Variants in ATP13A1 observed in about 807,000 individuals in gnomAD.
ATP13A1 encodes the protein ATPase 13A1.
In ATP13A1, 55 loss-of-function variants were observed where a neutral mutation model predicts 134.8. The observed-to-expected ratio is 0.41, with a 90% CI of 0.33 to 0.51. The LOEUF (loss-of-function observed/expected upper bound fraction) is 0.51. ATP13A1 is among the 20% of genes least tolerant of loss of function. The pLI, the probability that ATP13A1 is intolerant of heterozygous loss-of-function variation, is 0.29. For synonymous variants in ATP13A1, 775 were observed against 725.1 expected, an observed-to-expected ratio of 1.07 and a Z score of -1.10; for missense variants, 1,389 against 1,652.8, an observed-to-expected ratio of 0.84 and a Z score of 2.77.
chr19:19,654,181 C>G, intron 13 of ATP13A1, 37 bp from the exon 14 acceptor site: 1 of 1,548,224 alleles, frequency 6.5e-7, no homozygotes, highest in Non-Finnish European at 8.7e-7. Flanking sequence ...AGGGGCTTTG[C>G]TCCAAAGAGG....
intron 17 of ATP13A1, chr19:19,650,145 C>T: frequency 6.7e-6 from 4 of 599,964 alleles, no homozygotes; most frequent in Non-Finnish European, 8.8e-6. Flanking sequence ...GAGCCTGGGG[C>T]CTGAGCTACT....
chr19:19,650,259 A>G (rs1299347355), intron 17 of ATP13A1: 4 of 462,256 alleles, frequency 8.7e-6, no homozygotes, highest in South Asian at 8.3e-5. Context: ...AAACACACAG[A>G]AGGGGGCTAT....
rs149003043 is a variant in ATP13A1 at position 19,647,677 on chromosome 19, A to G, written c.2715T>C (p.Ser905=). 6.2e-7 allele frequency: 1 copy of G among 1,612,546 alleles called. No individual in the cohort carries two copies. The stretch of plus-strand genomic sequence containing the variant: ...CTGTCCTGGAGGTGGCTCTGATGCC[A>G]CTGTTGCTCAGGGTTGGGCTGTCCC... ...RPRDSPTLSN[S]GIRATSRTAK... is the part of the protein sequence containing the mutation. The change falls in exon 20 of 26, where the codon AGT becomes AGC. Residue 905 remains serine, a synonymous_variant. Coordinates refer to ENST00000357324, the MANE Select transcript of ATP13A1 (RefSeq NM_020410.3). This position sits in a 1 kb window ranked among gnomAD's most constrained non-coding sequence, Gnocchi z 4.8.
rs960590593 is a variant in ATP13A1 at position 19,646,092 on chromosome 19, G to A, written c.3249-107C>T. The A allele has an allele frequency of 1.4e-4, 221 of 1,590,764 alleles. No individual in the cohort carries two copies. In the African/African-American group the frequency reaches 2.3e-3, roughly 16 times the overall value. On this transcript the variant is annotated intron_variant, in intron 23 of 25. Coordinates refer to ENST00000357324, the MANE Select transcript of ATP13A1 (RefSeq NM_020410.3). ...GAGCTAGGGCTCTGCCTGGCCTAGT[G>A]CCCCTCCCTGGACACCCTGGACAAC...
At chr19:19,659,844 G>T (rs374761459) in intron 2 of ATP13A1, 53 bp from the exon 3 acceptor site, 1 of 1,597,042 alleles carries the variant, frequency 6.3e-7, no homozygotes, top group Non-Finnish European at 8.5e-7. Flanking sequence ...GGGTGTCAGC[G>T]CCTGGGAATC....
chr19:19,645,973 G>T lies in ATP13A1; in HGVS notation c.3261C>A (p.Phe1087Leu). Residue 1087 changes from phenylalanine to leucine, a missense_variant, in exon 24 of 26, where the codon TTC becomes TTA. This residue lies in a region of ATP13A1 where 228 missense variants were observed against 321.0 expected (regional missense o/e 0.71). Transcript: ENST00000357324. The surrounding 1 kb of genome is among the most constrained non-coding windows in gnomAD (Gnocchi z 4.1). ...GCTCAAACTCCTTGTACAAGTCCACGAACTGCTCCTGCCTGCAAGGACACA... is the reference window on the plus strand; with the variant it reads ...GCTCAAACTCCTTGTACAAGTCCACTAACTGCTCCTGCCTGCAAGGACACA... ...QARSPEKQEQFVDLYKEFEPS... is the reference protein window; with the variant it reads ...QARSPEKQEQLVDLYKEFEPS... 2 of 1,612,170 alleles carry T rather than the reference G, an allele frequency of 1.2e-6. No individual in the cohort carries two copies. Among genetic ancestry groups the T allele is most frequent in the East Asian group, 2.2e-5 (1 of 44,874 alleles).
Position 19,663,480 on chromosome 19 carries a change from G to C in ATP13A1, c.187C>G (p.Arg63Gly). The change falls in exon 1 of 26, where the codon CGG becomes GGG. Residue 63 changes from arginine to glycine, a missense_variant. Physicochemically the swap from Arg to Gly is moderately radical, Grantham distance 125 (BLOSUM62 -2). This residue lies in a region of ATP13A1 where 293 missense variants were observed against 270.8 expected (regional missense o/e 1.08). Coordinates refer to ENST00000357324, the MANE Select transcript of ATP13A1 (RefSeq NM_020410.3). Reference sequence around the variant, plus strand: ...GCGAATGGCAGCACCGTGAGGCGCCGCAACAGCGCCAACCGCCGGTACGGC... The same window carrying C: ...GCGAATGGCAGCACCGTGAGGCGCCCCAACAGCGCCAACCGCCGGTACGGC... Reference protein sequence around the residue: ...VWPYRRLALLRRLTVLPFAGL... With the variant: ...VWPYRRLALLGRLTVLPFAGL... 1 of 1,536,596 alleles carries C rather than the reference G, an allele frequency of 6.5e-7. No individual in the cohort carries two copies. Among genetic ancestry groups the C allele is most frequent in the Non-Finnish European group, 8.7e-7 (1 of 1,145,732 alleles).
chr19:19,658,295 C>T (rs1475846218), intron 3 of ATP13A1, among the ~76,000 whole-genome samples: 1 of 151,988 alleles, frequency 6.6e-6, no homozygotes, highest in Non-Finnish European at 1.5e-5. Context: ...CCTTTAACTG[C>T]ATGGACGTCT....
intron 3 of ATP13A1, 78 bp downstream of exon 3, chr19:19,659,523 C>T: frequency 8.5e-7 from 1 of 1,179,642 alleles, no homozygotes; most frequent in Non-Finnish European, 1.2e-6. Flanking sequence ...ATGCCTCTGT[C>T]CCGCTTCCTA....
rs770299883 is a variant in ATP13A1 at position 19,647,294 on chromosome 19, C to T, written c.2940G>A (p.Thr980=). 17 of 1,612,212 alleles carry T rather than the reference C, an allele frequency of 1.1e-5. No homozygotes were observed. The Middle Eastern group carries it at 4.9e-4, about 47-fold the overall frequency. ...TGAACATCTGTAGCGTGGTCACCAG[C>T]GTGCAGCGGCCCTGCTTGATCACGT... ...ICHVIKQGRC[T]LVTTLQMFKI... The change falls in exon 22 of 26, where the codon ACG becomes ACA. Residue 980 remains threonine, a synonymous_variant. Coordinates refer to ENST00000357324, the MANE Select transcript of ATP13A1 (RefSeq NM_020410.3). The surrounding 1 kb of genome is among the most constrained non-coding windows in gnomAD (Gnocchi z 4.8).
chr19:19,650,199 C>CT (rs1422695816), intron 17 of ATP13A1: 1 of 570,628 alleles, frequency 1.8e-6, no homozygotes, highest in African/African-American at 1.9e-5. Context: ...CCTGGGCAGT[C>CT]TGACCCCAGC....
intron 1 of ATP13A1, 95 bp from the exon 2 acceptor site, chr19:19,660,082 T>C (rs1413133919): frequency 6.7e-6 from 7 of 1,042,618 alleles, no homozygotes; most frequent in Non-Finnish European, 9.7e-6. Flanking sequence ...GCTCTATGGG[T>C]ATATTCTGAA....
intron 19 of ATP13A1, 105 bp downstream of exon 19, chr19:19,649,462 A>G: frequency 1.7e-6 from 2 of 1,187,194 alleles, no homozygotes. Context: ...CACAGGAATT[A>G]GTGCCCCCGT....
intron 3 of ATP13A1, among the ~76,000 whole-genome samples, chr19:19,658,609 G>A (rs998288336): frequency 4.3e-4 from 65 of 152,212 alleles, no homozygotes; most frequent in Non-Finnish European, 1.3e-4. Flanking sequence ...GAGGACCATC[G>A]TAACAAGGCC....
rs1475546286 is a variant in ATP13A1, at chr19:19,647,727, C to T, written c.2665G>A (p.Val889Ile). 1 of 1,606,390 alleles carries T rather than the reference C, an allele frequency of 6.2e-7. No individual in the cohort carries two copies. Among genetic ancestry groups the T allele is most frequent in the Admixed American group, 1.7e-5 (1 of 59,542 alleles). The change falls in exon 20 of 26, where the codon GTT becomes ATT. Residue 889 changes from valine (V) to isoleucine (I), a missense_variant. Around this residue, in one of 4 missense-constraint regions of ATP13A1, gnomAD observed 121 missense variants for 104.9 expected, o/e 1.15. Transcript: ENST00000357324. The surrounding 1 kb of genome is among the most constrained non-coding windows in gnomAD (Gnocchi z 4.8). ...VALLANAPER[V>I]VERRRRPRDS... ...CGGGGCCGCCGTCGCCGCTCGACAA[C>T]CCGCTCAGGGGCATTGGCCAAGAGC... is the stretch of plus-strand genomic sequence containing the variant.
In ATP13A1 at chr19:19,656,320, C is replaced by T; in HGVS notation, c.1084-137G>A. On this transcript the variant is annotated intron_variant, in intron 7 of 25. Coordinates refer to ENST00000357324, the MANE Select transcript of ATP13A1 (RefSeq NM_020410.3). This position sits in a 1 kb window ranked among gnomAD's most constrained non-coding sequence, Gnocchi z 4.6. ...CCGACCAATACATCCCACCCAGCTC[C>T]CAGATCCTCACCCTCACCCCGTCCT... 1 of 1,239,328 alleles carries T rather than the reference C, an allele frequency of 8.1e-7. No individual in the cohort carries two copies. The highest frequency in any genetic ancestry group is 1.1e-6 in the Non-Finnish European group (1 of 900,276). 76.8% of individuals were successfully genotyped at this position (1,239,328 alleles called of 1,614,324 possible).
chr19:19,654,213 C>A, intron 13 of ATP13A1, 69 bp from the exon 14 acceptor site: 1 of 1,427,252 alleles, frequency 7.0e-7, no homozygotes, highest in African/African-American at 1.4e-5. Context: ...CTACCTCTCA[C>A]CCCGGCCTCC....
At chr19:19,662,914 C>G (rs2062103210) in intron 1 of ATP13A1, among the ~76,000 whole-genome samples, 7 of 152,114 alleles carry the variant, frequency 4.6e-5, no homozygotes. Context: ...AAGGTAGGGC[C>G]GTTTCCAGAA....
intron 3 of ATP13A1, 122 bp from the exon 4 acceptor site, chr19:19,657,530 G>A (rs2062067397): frequency 1.0e-6 from 1 of 978,532 alleles, no homozygotes; most frequent in Non-Finnish European, 1.4e-6. Context: ...GCCATATGTG[G>A]GCGTCGGGAG....
Sources: gnomAD v4.1 joint callset for allele counts (sites outside exome capture counted in the v4.1 genomes callset) on GRCh38, gnomAD v4.1.1 for gene constraint, gnomAD v4.1.1 regional missense constraint, Gnocchi (gnomAD v3.1) non-coding constraint, MANE v1.5 for transcripts, NCBI Gene and HGNC (gene_info 2026-07-23, HGNC 2026-07-21) for gene names.